Variants in DLC1 observed in about 807,000 individuals in gnomAD.
DLC1 encodes rho GTPase-activating protein 7.
DLC1 carries 54 observed loss-of-function variants against 140.3 expected under a neutral mutation model. The ratio of observed to expected loss-of-function variants is 0.38; its 90% CI spans 0.31 to 0.48. The LOEUF is 0.48. Among genes scored for constraint, DLC1 ranks in the 20% least tolerant of loss-of-function variants. The probability of loss-of-function intolerance (pLI) is 0.96; values close to 1 mark genes in which losing one functional copy is unlikely to be tolerated. For synonymous variants in DLC1, 986 were observed against 728.1 expected, an observed-to-expected ratio of 1.35 and a Z score of -5.70; for missense variants, 2,536 against 1,907.0, an observed-to-expected ratio of 1.33 and a Z score of -6.14.
At chr8:13,601,882 TG>T (rs1331547160) in intron 1 of DLC1, among the ~76,000 whole-genome samples, 2 of 151,892 alleles carry the variant, frequency 1.3e-5, no homozygotes, top group African/African-American at 4.8e-5. Flanking sequence ...ATTTCATTTT[TG>T]GTCATTTTTC....
chr8:13,310,237 T>C (rs1220823979), intron 4 of DLC1, among the ~76,000 whole-genome samples: 1 of 152,202 alleles, frequency 6.6e-6, no homozygotes, highest in Non-Finnish European at 1.5e-5. Flanking sequence ...TTTTACATGA[T>C]TTCAAATATT....
At chr8:13,449,716 T>A (rs1056831157) in intron 2 of DLC1, among the ~76,000 whole-genome samples, 1 of 152,086 alleles carries the variant, frequency 6.6e-6, no homozygotes, top group East Asian at 1.9e-4. Flanking sequence ...ATATAACTCA[T>A]GTAAATGACA....
chr8:13,127,420 C>T (rs1308214604), intron 5 of DLC1, among the ~76,000 whole-genome samples: 2 of 152,198 alleles, frequency 1.3e-5, no homozygotes, highest in Non-Finnish European at 2.9e-5. Context: ...AGTTCTGGAA[C>T]TTCCCATGAA....
Position 13,214,746 on chromosome 8 carries a change from A to G in DLC1, c.1348+90523T>C, listed in dbSNP as rs1828114246. The G allele has an allele frequency of 1.7e-5, 13 of 780,880 alleles. 1 individual carries two copies. The East Asian group carries it at 3.2e-4, about 19-fold the overall frequency. The allele number at this position is 780,880 out of a possible 1,614,324, so 48.4% of individuals were successfully genotyped here. ...TGGATCCCTTTGTGCTCTTATCTTC[A>G]TCCACTTCCAACTTTACTGATTTTA... On this transcript the variant is annotated intron_variant, in intron 5 of 17. Coordinates refer to ENST00000276297, the MANE Select transcript of DLC1 (RefSeq NM_182643.3).
At chr8:13,257,646 T>A (rs1447804905) in intron 5 of DLC1, among the ~76,000 whole-genome samples, 2 of 152,034 alleles carry the variant, frequency 1.3e-5, no homozygotes, top group Non-Finnish European at 2.9e-5. Context: ...TAGTGGAATT[T>A]CCTGATTACA....
intron 1 of DLC1, among the ~76,000 whole-genome samples, chr8:13,524,303 A>C (rs889108679): frequency 2.6e-5 from 4 of 151,502 alleles, no homozygotes; most frequent in African/African-American, 7.3e-5. Flanking sequence ...ATACCAAGCT[A>C]ATTTTTGTAT....
intron 4 of DLC1, among the ~76,000 whole-genome samples, chr8:13,319,886 A>G (rs1833022625): frequency 8.2e-6 from 1 of 121,746 alleles, no homozygotes; most frequent in Non-Finnish European, 1.6e-5. Flanking sequence ...GCACTGGTGT[A>G]ATCTTGGTTC....
intron 2 of DLC1, among the ~76,000 whole-genome samples, chr8:13,443,240 A>G (rs1255494026): frequency 1.3e-5 from 2 of 151,522 alleles, no homozygotes; most frequent in Non-Finnish European, 1.5e-5. Flanking sequence ...GCATTAGGAG[A>G]TATACCTAAG....
chr8:13,459,838 C>A (rs773971800), intron 2 of DLC1, among the ~76,000 whole-genome samples: 1 of 152,164 alleles, frequency 6.6e-6, no homozygotes, highest in Non-Finnish European at 1.5e-5. Context: ...ACATAACACA[C>A]GCTATAAAAA....
chr8:13,090,370 G>A lies in DLC1; in HGVS notation c.3956C>T (p.Ala1319Val), dbSNP rs1216525330. 6.2e-7 allele frequency: 1 copy of A among 1,614,200 alleles called. No individual in the cohort carries two copies. Among genetic ancestry groups the A allele is most frequent in the Non-Finnish European group, 8.5e-7 (1 of 1,180,040 alleles). The change falls in exon 15 of 18, where the codon GCT (alanine) becomes GTT (valine). Residue 1319 changes from alanine (A) to valine (V), a missense_variant. Transcript: ENST00000276297. Reference sequence around the variant, plus strand: ...GTCCTGGAGGAAGTGTTGGTAGTCAGCTGAGTCATCATTACCCAGGTGCCC... The same window carrying A: ...GTCCTGGAGGAAGTGTTGGTAGTCAACTGAGTCATCATTACCCAGGTGCCC... ...ALGHLGNDDS[A>V]DYQHFLQDCV... is the part of the protein sequence containing the mutation.
At chr8:13,400,839 C>T (rs73205777) in intron 3 of DLC1, among the ~76,000 whole-genome samples, 19,612 of 151,914 alleles carry the variant, frequency 0.13, 1,587 homozygotes, top group Non-Finnish European at 0.19. Context: ...ATATGTAAAG[C>T]ATATAGTTGA....
At chr8:13,385,816 G>T (rs763987435) in intron 4 of DLC1, among the ~76,000 whole-genome samples, 21 of 152,162 alleles carry the variant, frequency 1.4e-4, no homozygotes, top group African/African-American at 5.1e-4. Flanking sequence ...TAAGACATGA[G>T]CACAGAGGCC....
intron 5 of DLC1, chr8:13,276,546 T>G: frequency 1.6e-6 from 2 of 1,289,454 alleles, no homozygotes; most frequent in Middle Eastern, 2.9e-4. Flanking sequence ...AAGCGCCAAC[T>G]GCAGGCGGCC....
chr8:13,250,223 A>G (rs534137396), intron 5 of DLC1, among the ~76,000 whole-genome samples: 2 of 152,180 alleles, frequency 1.3e-5, no homozygotes, highest in Non-Finnish European at 2.9e-5. Flanking sequence ...TTGCTTTCAT[A>G]TAATTTGATT....
intron 2 of DLC1, among the ~76,000 whole-genome samples, chr8:13,457,530 A>G (rs1007614821): frequency 6.6e-6 from 1 of 151,924 alleles, no homozygotes; most frequent in Non-Finnish European, 1.5e-5. Flanking sequence ...TACAAAAATT[A>G]GCCGGGTGTG....
At chr8:13,171,928 G>T (rs550626425) in intron 5 of DLC1, among the ~76,000 whole-genome samples, 1 of 152,116 alleles carries the variant, frequency 6.6e-6, no homozygotes, top group East Asian at 1.9e-4. Context: ...ACGGCTACGG[G>T]TATCTGAATG....
chr8:13,535,283 A>C (rs568169162), intron 1 of DLC1, among the ~76,000 whole-genome samples: 3 of 152,154 alleles, frequency 2.0e-5, no homozygotes, highest in Non-Finnish European at 4.4e-5. Flanking sequence ...GTTGTCAGGA[A>C]GGAAGGCCTC....
At chr8:13,092,570 A>AG (rs1818162033) in intron 13 of DLC1, 42 bp downstream of exon 13, 1 of 1,578,858 alleles carries the variant, frequency 6.3e-7, no homozygotes, top group African/African-American at 1.4e-5. Flanking sequence ...GGAAGAATGT[A>AG]GGCTGCCCCC....
chr8:13,327,004 G>C (rs1210705179), intron 4 of DLC1, among the ~76,000 whole-genome samples: 3 of 152,042 alleles, frequency 2.0e-5, no homozygotes, highest in Admixed American at 6.6e-5. Context: ...GCCCAGGCTG[G>C]AGTGCAGTGG....
Sources: allele counts gnomAD v4.1 joint callset (sites outside exome capture counted in the v4.1 genomes callset), GRCh38; gene constraint gnomAD v4.1.1; transcripts MANE v1.5; gene names NCBI Gene and HGNC (gene_info 2026-07-23, HGNC 2026-07-21).